NRXN2: variants seen among roughly 807,000 people sequenced by gnomAD.
The protein encoded by NRXN2 is neurexin-2-beta.
In NRXN2, 29 loss-of-function variants were observed where a neutral mutation model predicts 128.8. The ratio of observed to expected loss-of-function variants is 0.23; its 90% CI spans 0.17 to 0.31. The LOEUF (loss-of-function observed/expected upper bound fraction) is 0.31. NRXN2 is among the 10% of genes least tolerant of loss of function. NRXN2 has a pLI of 1.00. For missense variants in NRXN2, 1,881 were observed against 2,452.6 expected, an observed-to-expected ratio of 0.77 and a Z score of 4.92; for synonymous variants, 1,098 against 1,075.2, an observed-to-expected ratio of 1.02 and a Z score of -0.41.
chr11:64,677,452 A>G (rs566738211), intron 6 of NRXN2, among the ~76,000 whole-genome samples: 2 of 152,290 alleles, frequency 1.3e-5, no homozygotes, highest in South Asian at 2.1e-4. Context: ...CAAGAAACCA[A>G]AGACTTAAAG....
At position 64,651,745 on chromosome 11, in the gene NRXN2, T is replaced by C; in HGVS notation, c.2537-109A>G. On this transcript the variant is annotated intron_variant, in intron 13 of 22. Transcript: ENST00000265459. This position sits in a 1 kb window ranked among gnomAD's most constrained non-coding sequence, Gnocchi z 5.9. ...GGAGGGCCACCCATGAGTGACATCT[T>C]TAGAGATGTCCTCGGCTAGGCACTA... is the stretch of plus-strand genomic sequence containing the variant. 5.6e-6 allele frequency: 7 copies of C among 1,245,714 alleles called. No homozygotes were observed. Among genetic ancestry groups the C allele is most frequent in the Non-Finnish European group, 8.0e-6 (7 of 875,666 alleles). The allele number at this position is 1,245,714 out of a possible 1,614,324, so 77.2% of individuals were successfully genotyped here.
At chr11:64,680,473 T>C (rs918905254) in intron 6 of NRXN2, among the ~76,000 whole-genome samples, 1 of 152,202 alleles carries the variant, frequency 6.6e-6, no homozygotes, top group Non-Finnish European at 1.5e-5. Flanking sequence ...TTTGCACCAA[T>C]GACAACAACC....
At position 64,622,158 on chromosome 11, in the gene NRXN2, T is replaced by C. The variant is rs1214875690; in HGVS notation, c.4173+595A>G. ...CCTGAGTTGTGGTGCCTGCTCATAG[T>C]CACATGGAGAGGGCTTGTGAAGGCA... On this transcript the variant is annotated intron_variant, in intron 21 of 22. Transcript: ENST00000265459. The surrounding 1 kb of genome is among the most constrained non-coding windows in gnomAD (Gnocchi z 4.3). Among the ~76,000 whole-genome samples, 1 of 152,154 alleles carries C rather than the reference T, an allele frequency of 6.6e-6. No individual in the cohort carries two copies. The highest frequency in any genetic ancestry group is 1.5e-5 in the Non-Finnish European group (1 of 68,014).
At chr11:64,645,150 CTCTA>C (rs1293121874) in intron 17 of NRXN2, among the ~76,000 whole-genome samples, 1 of 152,198 alleles carries the variant, frequency 6.6e-6, no homozygotes, top group African/African-American at 2.4e-5. Context: ...CTCCTGCCCT[CTCTA>C]TCACGTTCTT....
At chr11:64,609,584 C>T (rs923977567) in intron 22 of NRXN2, among the ~76,000 whole-genome samples, 1 of 152,198 alleles carries the variant, frequency 6.6e-6, no homozygotes, top group African/African-American at 2.4e-5. Flanking sequence ...GAGTGTAGAA[C>T]ACAATTCCCA....
In NRXN2 at chr11:64,631,742, G is replaced by T. The variant is rs2043941320; in HGVS notation, c.3586-1169C>A. Among the ~76,000 whole-genome samples the T allele has an allele frequency of 6.6e-6, 1 of 152,038 alleles. No individual in the cohort carries two copies. Among genetic ancestry groups the T allele is most frequent in the African/African-American group, 2.4e-5 (1 of 41,356 alleles). ...GAAGACCCTGACTCAAGGAGGTGGG[G>T]GTGTGGGATGATCCAAGAGGCTGCT... is the stretch of plus-strand genomic sequence containing the variant. On this transcript the variant is annotated intron_variant, in intron 18 of 22. Transcript: ENST00000265459. This position sits in a 1 kb window ranked among gnomAD's most constrained non-coding sequence, Gnocchi z 4.8.
intron 17 of NRXN2, among the ~76,000 whole-genome samples, chr11:64,636,076 G>C (rs2044663588): frequency 6.8e-6 from 1 of 146,302 alleles, no homozygotes; most frequent in Non-Finnish European, 1.5e-5. Context: ...CTGGAGCCCT[G>C]CCCAGAAAGG....
In NRXN2 at chr11:64,635,896, G is replaced by A. The variant is rs1034848181; in HGVS notation, c.3404-444C>T. ...GGGGCCAGAGCTAAGCAGGCACCAA[G>A]GAACCCCAGGTGATGGCAGGAAGAT... On this transcript the variant is annotated intron_variant, in intron 17 of 22. Coordinates refer to ENST00000265459, the MANE Select transcript of NRXN2 (RefSeq NM_015080.4). The surrounding 1 kb of genome is among the most constrained non-coding windows in gnomAD (Gnocchi z 4.8). Among the ~76,000 whole-genome samples the A allele has an allele frequency of 6.6e-6, 1 of 152,058 alleles. No homozygotes were observed. The highest frequency in any genetic ancestry group is 2.4e-5 in the African/African-American group (1 of 41,380).
intron 3 of NRXN2, among the ~76,000 whole-genome samples, chr11:64,697,441 C>A (rs559127392): frequency 1.3e-5 from 2 of 152,138 alleles, no homozygotes; most frequent in African/African-American, 4.8e-5. Flanking sequence ...CTGGGCTAAA[C>A]GTTGTCTACC....
Position 64,651,613 on chromosome 11 carries a change from G to A in NRXN2, c.2560C>T (p.Arg854Trp), listed in dbSNP as rs149051438. Residue 854 changes from arginine (R) to tryptophan (W), a missense_variant, in exon 14 of 23, where the codon CGG becomes TGG. Coordinates refer to ENST00000265459, the MANE Select transcript of NRXN2 (RefSeq NM_015080.4). The surrounding 1 kb of genome is among the most constrained non-coding windows in gnomAD (Gnocchi z 5.9). ...VEGQMAGAHM[R>W]LEFHNIETGI... ...GTCTCAATGTTGTGGAACTCCAGCC[G>A]CATATGGGCTCCTGCCATCTGTCCT... The A allele has an allele frequency of 4.6e-5, 75 of 1,614,014 alleles. 1 individual carries two copies. The highest frequency in any genetic ancestry group is 1.2e-4 in the African/African-American group (9 of 75,036).
intron 2 of NRXN2, among the ~76,000 whole-genome samples, chr11:64,703,444 C>G (rs1001856032): frequency 3.9e-5 from 6 of 152,206 alleles, no homozygotes. Context: ...TGGCCAAGGT[C>G]ACACTGCTAG....
In NRXN2 at chr11:64,673,320, G is replaced by A. The variant is rs749883438; in HGVS notation, c.1197+3673C>T. Among the ~76,000 whole-genome samples the A allele has an allele frequency of 1.6e-4, 25 of 152,286 alleles. 1 individual carries two copies. The highest frequency in any genetic ancestry group is 9.8e-4 in the Admixed American group (15 of 15,308). On this transcript the variant is annotated intron_variant, in intron 7 of 22. Coordinates refer to ENST00000265459, the MANE Select transcript of NRXN2 (RefSeq NM_015080.4). ...ATCCGAACTTCTCAACCTTCTCAAG[G>A]TTGGCCTTTTTGCTTTATATCCACC...
chr11:64,713,256 G>C lies in NRXN2; in HGVS notation c.444C>G (p.Ser148Arg). Reference sequence around the variant, plus strand: ...GCGGGATGCCGCCCACGAACAGGTCGCTGGCCACCTGCATCTCGCGCCGCT... The same window carrying C: ...GCGGGATGCCGCCCACGAACAGGTCCCTGGCCACCTGCATCTCGCGCCGCT... ...RSKRREMQVASDLFVGGIPPD... is the reference protein window; with the variant it reads ...RSKRREMQVARDLFVGGIPPD... Residue 148 changes from serine (S) to arginine (R), a missense_variant, in exon 2 of 23, where the codon AGC becomes AGG. Coordinates refer to ENST00000265459, the MANE Select transcript of NRXN2 (RefSeq NM_015080.4). 7.0e-7 allele frequency: 1 copy of C among 1,438,258 alleles called. No homozygotes were observed. Among genetic ancestry groups the C allele is most frequent in the Non-Finnish European group, 9.1e-7 (1 of 1,096,696 alleles). The allele number at this position is 1,438,258 out of a possible 1,614,324, so 89.1% of individuals were successfully genotyped here.
chr11:64,690,816 G>A (rs888088323), intron 4 of NRXN2, among the ~76,000 whole-genome samples: 1 of 152,122 alleles, frequency 6.6e-6, no homozygotes, highest in African/African-American at 2.4e-5. Context: ...CAGCACTGGA[G>A]GCCCCCAGTT....
intron 1 of NRXN2, among the ~76,000 whole-genome samples, chr11:64,715,934 C>A (rs564699521): frequency 6.6e-6 from 1 of 152,198 alleles, no homozygotes; most frequent in South Asian, 2.1e-4. Flanking sequence ...CTCACCCCCC[C>A]ACACACAAGC....
At chr11:64,675,545 G>A (rs373079772) in intron 7 of NRXN2, 1 of 152,224 alleles carries the variant, frequency 6.6e-6, no homozygotes. Context: ...CCCCAGCCTG[G>A]TGTTCAGTCA....
chr11:64,681,053 C>A (rs1419432172), intron 6 of NRXN2, among the ~76,000 whole-genome samples: 1 of 147,974 alleles, frequency 6.8e-6, no homozygotes, highest in Non-Finnish European at 1.5e-5. Context: ...GCTGAGACTG[C>A]GCCACTGCAC....
intron 6 of NRXN2, among the ~76,000 whole-genome samples, chr11:64,680,252 A>G (rs2052017412): frequency 6.6e-6 from 1 of 152,192 alleles, no homozygotes; most frequent in Admixed American, 6.5e-5. Context: ...AAGAGAGGGA[A>G]TATTTACACA....
chr11:64,663,913 A>G (rs1039430571), intron 9 of NRXN2, among the ~76,000 whole-genome samples: 3 of 152,236 alleles, frequency 2.0e-5, no homozygotes, highest in African/African-American at 7.2e-5. Flanking sequence ...CCTAGAAGAC[A>G]TTATGCAAAA....
Sources: allele counts gnomAD v4.1 joint callset (sites outside exome capture counted in the v4.1 genomes callset), GRCh38; gene constraint gnomAD v4.1.1; non-coding constraint Gnocchi (gnomAD v3.1); transcripts MANE v1.5; gene names NCBI Gene and HGNC (gene_info 2026-07-23, HGNC 2026-07-21).